Variants in EMC3 observed in about 807,000 individuals in gnomAD.
The protein encoded by EMC3 is 30 kDa protein.
Under a neutral mutation model 36.6 loss-of-function variants are expected in EMC3, and 13 were observed. That is an observed-to-expected ratio of 0.35 (90% CI 0.23 to 0.56). The LOEUF is 0.56. EMC3 is among the 20% of genes least tolerant of loss of function. The pLI is 0.84. For synonymous variants in EMC3, 120 were observed against 111.9 expected (o/e 1.07, Z -0.46); for missense variants, 220 against 324.5 (o/e 0.68, Z 2.47).
At chr3:9,995,837 C>T (rs2086116956) in intron 1 of EMC3, among the ~76,000 whole-genome samples, 1 of 151,696 alleles carries the variant, frequency 6.6e-6, no homozygotes, top group African/African-American at 2.4e-5. Flanking sequence ...TGTTTTTAAA[C>T]CTCTTTACTT....
Position 9,963,010 on chromosome 3 carries a change from A to G in EMC3, c.*1059T>C, listed in dbSNP as rs1335870110. On this transcript the variant is annotated 3_prime_UTR_variant, in exon 8 of 8. Transcript: ENST00000245046. Reference sequence around the variant, plus strand: ...TAAGATTTGATACACTGACATCCAGATCAAGATTTTGCATTATTTATAGAC... The same window carrying G: ...TAAGATTTGATACACTGACATCCAGGTCAAGATTTTGCATTATTTATAGAC... 7.2e-5 allele frequency: 11 copies of G among 152,236 alleles called. No individual in the cohort carries two copies. The highest frequency in any genetic ancestry group is 6.5e-4 in the Admixed American group (10 of 15,276). The allele number at this position is 152,236 out of a possible 1,614,324, so 9.4% of individuals were successfully genotyped here.
intron 7 of EMC3, chr3:9,969,469 T>C: frequency 1.4e-6 from 2 of 1,381,074 alleles, no homozygotes; most frequent in South Asian, 1.5e-5. Flanking sequence ...TGGATTATTT[T>C]ACAGCATCAT....
intron 1 of EMC3, among the ~76,000 whole-genome samples, chr3:9,992,682 G>C (rs957355928): frequency 5.3e-5 from 8 of 152,200 alleles, no homozygotes; most frequent in Non-Finnish European, 1.0e-4. Flanking sequence ...AGATACCAGT[G>C]GTTAATAGTT....
Position 9,986,656 on chromosome 3 carries a change from T to C in EMC3, c.6A>G (p.Ala2=), listed in dbSNP as rs775787757. Residue 2 remains alanine (A), a synonymous_variant, in exon 1 of 8, where the codon GCA becomes GCG. Transcript: ENST00000245046. M[A]GPELLLDSNI... The stretch of plus-strand genomic sequence containing the variant: ...TGGAGTCGAGCAACAGTTCTGGCCC[T>C]GCCATCTTCACTGAAAGCTGGTTCC... The C allele has an allele frequency of 1.8e-5, 29 of 1,613,844 alleles. No homozygotes were observed. Among genetic ancestry groups the C allele is most frequent in the Non-Finnish European group, 2.2e-5 (26 of 1,179,870 alleles).
chr3:9,973,764 G>A (rs556033698), intron 4 of EMC3, 55 bp from the exon 5 acceptor site: 1 of 1,499,718 alleles, frequency 6.7e-7, no homozygotes, highest in East Asian at 2.3e-5. Flanking sequence ...TTTAGAATAA[G>A]TGTGACTCTT....
At chr3:9,972,013 T>TA (rs2085790659) in intron 5 of EMC3, among the ~76,000 whole-genome samples, 1 of 151,306 alleles carries the variant, frequency 6.6e-6, no homozygotes, top group African/African-American at 2.4e-5. Flanking sequence ...ATTCTGCCAT[T>TA]CAAAAAAAAA....
chr3:9,977,992 C>G (rs1020928883), intron 1 of EMC3, among the ~76,000 whole-genome samples: 9 of 151,820 alleles, frequency 5.9e-5, no homozygotes, highest in Admixed American at 2.0e-4. Flanking sequence ...CTTAAATCAA[C>G]TATTAGAGCC....
At chr3:9,981,941 TA>T (rs961240955) in intron 1 of EMC3, among the ~76,000 whole-genome samples, 7 of 145,908 alleles carry the variant, frequency 4.8e-5, no homozygotes, top group South Asian at 4.4e-4. Flanking sequence ...TAATACCTGT[TA>T]AAAAAAATTT....
intron 1 of EMC3, chr3:10,004,644 C>T (rs934702034): frequency 2.6e-5 from 4 of 152,358 alleles, no homozygotes; most frequent in Non-Finnish European, 4.4e-5. Flanking sequence ...CCCAGCTCCA[C>T]CACGTGGCCC....
intron 7 of EMC3, among the ~76,000 whole-genome samples, chr3:9,964,741 T>G (rs1369390537): frequency 6.6e-6 from 1 of 152,156 alleles, no homozygotes; most frequent in African/African-American, 2.4e-5. Flanking sequence ...TTCATTACAG[T>G]TTGTGGGAGT....
At chr3:9,995,734 T>G (rs28736444) in intron 1 of EMC3, among the ~76,000 whole-genome samples, 3,741 of 151,936 alleles carry the variant, frequency 0.025, 171 homozygotes, top group African/African-American at 0.086. Flanking sequence ...GCCTCCCGGG[T>G]TCTAGCGATT....
chr3:10,004,762 G>T (rs192323104), intron 1 of EMC3: 8 of 152,392 alleles, frequency 5.2e-5, no homozygotes, highest in Admixed American at 5.2e-4. Context: ...CACCTTCCCC[G>T]CATGGTGGGT....
chr3:9,986,221 T>A (rs1266328356), intron 1 of EMC3, among the ~76,000 whole-genome samples: 1 of 152,228 alleles, frequency 6.6e-6, no homozygotes, highest in African/African-American at 2.4e-5. Context: ...GGTCGGCGAC[T>A]AACCTAAAGG....
chr3:10,009,097 C>G (rs947941622), intron 1 of EMC3: 3 of 152,252 alleles, frequency 2.0e-5, no homozygotes, highest in African/African-American at 7.2e-5. Context: ...GGGTTCGGCT[C>G]CGCTTACGGG....
intron 7 of EMC3, among the ~76,000 whole-genome samples, chr3:9,966,235 T>G (rs2085735425): frequency 6.6e-6 from 1 of 151,814 alleles, no homozygotes; most frequent in African/African-American, 2.4e-5. Flanking sequence ...GTTTTTTTTT[T>G]TTTTTGAGAT....
upstream of EMC3, among the ~76,000 whole-genome samples, chr3:9,990,978 A>G (rs895021576): frequency 3.3e-5 from 5 of 151,744 alleles, no homozygotes; most frequent in Non-Finnish European, 7.4e-5. Flanking sequence ...ATAGGCGCCC[A>G]CCACCTCGCC....
chr3:9,986,584 G>A lies in EMC3; in HGVS notation c.78C>T (p.Phe26=). ...ACACGTAGTGGCGGATCATGCCTACGAAGAAAGTGATGATAACGATGGGTA... is the reference window on the plus strand; with the variant it reads ...ACACGTAGTGGCGGATCATGCCTACAAAGAAAGTGATGATAACGATGGGTA... ...VVLPIVIITF[F]VGMIRHYVSI... is the part of the protein sequence containing the mutation. Residue 26 remains phenylalanine (F), a synonymous_variant, in exon 1 of 8, where the codon TTC becomes TTT. Coordinates refer to ENST00000245046, the MANE Select transcript of EMC3 (RefSeq NM_001394674.1). The A allele has an allele frequency of 6.2e-7, 1 of 1,614,206 alleles. No homozygotes were observed. The highest frequency in any genetic ancestry group is 1.3e-5 in the African/African-American group (1 of 75,048).
intron 1 of EMC3, among the ~76,000 whole-genome samples, chr3:10,009,492 C>T (rs1395327244): frequency 3.9e-5 from 6 of 152,194 alleles, no homozygotes; most frequent in Admixed American, 3.3e-4. Flanking sequence ...CGATTCCTCC[C>T]TTTACTTTCC....
At chr3:9,978,452 G>A (rs1292578168) in intron 1 of EMC3, among the ~76,000 whole-genome samples, 1 of 152,090 alleles carries the variant, frequency 6.6e-6, no homozygotes, top group Non-Finnish European at 1.5e-5. Flanking sequence ...ATTAAAGGAG[G>A]AAAAGAGGAA....
Sources: allele counts gnomAD v4.1 joint callset (sites outside exome capture counted in the v4.1 genomes callset), GRCh38; gene constraint gnomAD v4.1.1; transcripts MANE v1.5; gene names NCBI Gene and HGNC (gene_info 2026-07-23, HGNC 2026-07-21).